CLPB: variants seen among roughly 807,000 people sequenced by gnomAD.
CLPB encodes the protein mitochondrial disaggregase.
In CLPB, 40 loss-of-function variants were observed where a neutral mutation model predicts 78.4. The ratio of observed to expected loss-of-function variants is 0.51; its 90% CI spans 0.40 to 0.66. The LOEUF is 0.66. CLPB is among the 30% of genes least tolerant of loss of function. The probability of loss-of-function intolerance (pLI) is 0.00; values close to 1 mark genes in which losing one functional copy is unlikely to be tolerated. For missense variants in CLPB, 780 were observed against 886.9 expected (o/e 0.88, Z 1.53); for synonymous variants, 333 against 348.0 (o/e 0.96, Z 0.48).
intron 4 of CLPB, among the ~76,000 whole-genome samples, chr11:72,377,998 AC>A (rs1314378108): frequency 2.4e-4 from 37 of 152,212 alleles, no homozygotes; most frequent in African/African-American, 8.0e-4. Flanking sequence ...TTTGCTGACT[AC>A]TGATCTACAA....
chr11:72,393,114 A>C (rs1412733360), intron 3 of CLPB, among the ~76,000 whole-genome samples: 1 of 152,256 alleles, frequency 6.6e-6, no homozygotes, highest in Non-Finnish European at 1.5e-5. Context: ...CCAAGGAATC[A>C]AGATCACCCA....
At chr11:72,393,216 G>T (rs1489063015) in intron 3 of CLPB, among the ~76,000 whole-genome samples, 2 of 152,082 alleles carry the variant, frequency 1.3e-5, no homozygotes, top group Non-Finnish European at 2.9e-5. Context: ...CATAATATAT[G>T]GTCACCAAAC....
At chr11:72,397,651 G>C (rs1385276376) in intron 3 of CLPB, among the ~76,000 whole-genome samples, 2 of 152,032 alleles carry the variant, frequency 1.3e-5, no homozygotes, top group Non-Finnish European at 2.9e-5. Context: ...TCTCTTTTTC[G>C]ATGAAGCATC....
rs772243585 is a variant in CLPB, at chr11:72,358,963, C to T, written c.692G>A (p.Arg231His). The change falls in exon 5 of 16, where the codon CGC becomes CAC. Residue 231 changes from arginine to histidine, a missense_variant. Arg to His is a conservative substitution (Grantham distance 29, BLOSUM62 0). Transcript: ENST00000538039. ...EDDFNNRLNN[R>H]ASFKGCTALH... ...GGCCGTGCAGCCCTTGAAACTGGCG[C>T]GGTTGTTCAGCCTGTTGTTGAAGTC... 9.9e-6 allele frequency: 16 copies of T among 1,613,424 alleles called. No homozygotes were observed. Among genetic ancestry groups the T allele is most frequent in the African/African-American group, 5.4e-5 (4 of 74,730 alleles).
chr11:72,342,072 A>G (rs1431435424), intron 5 of CLPB, among the ~76,000 whole-genome samples: 1 of 152,176 alleles, frequency 6.6e-6, no homozygotes, highest in African/African-American at 2.4e-5. Flanking sequence ...CAGACATAAC[A>G]CTTCCTAGTT....
chr11:72,294,424 C>T lies in CLPB; in HGVS notation c.1581G>A (p.Glu527=), dbSNP rs752634197. Residue 527 remains glutamate (E), a synonymous_variant, in exon 14 of 16, where the codon GAG becomes GAA. Transcript: ENST00000538039. ...CGATCTCATTGATCCGTCCCAGAAA[C>T]TCATCCCTCCGGAAGTGAGCCTGAA... is the stretch of plus-strand genomic sequence containing the variant. ...PILKAHFRRD[E]FLGRINEIVY... The T allele has an allele frequency of 6.2e-7, 1 of 1,614,206 alleles. No individual in the cohort carries two copies. Among genetic ancestry groups the T allele is most frequent in the Admixed American group, 1.7e-5 (1 of 60,030 alleles).
At position 72,434,083 on chromosome 11, in the gene CLPB, G is replaced by C; in HGVS notation, c.392C>G (p.Pro131Arg). Residue 131 changes from proline to arginine, a missense_variant, in exon 1 of 16, where the codon CCG (proline) becomes CGG (arginine). Transcript: ENST00000538039. ...ALVVHCYSKSPSNKDAALLEA... is the reference protein window; with the variant it reads ...ALVVHCYSKSRSNKDAALLEA... ...GATCTCATAATCACCCTTGTTGGACGGACTCTTGCTGTAGCAATGAACCAC... is the reference window on the plus strand; with the variant it reads ...GATCTCATAATCACCCTTGTTGGACCGACTCTTGCTGTAGCAATGAACCAC... 2 of 1,610,550 alleles carry C rather than the reference G, an allele frequency of 1.2e-6. No individual in the cohort carries two copies. The highest frequency in any genetic ancestry group is 1.7e-6 in the Non-Finnish European group (2 of 1,179,936).
At chr11:72,301,426 G>A (rs145380097) in intron 11 of CLPB, among the ~76,000 whole-genome samples, 10 of 152,308 alleles carry the variant, frequency 6.6e-5, no homozygotes, top group East Asian at 1.9e-4. Context: ...CAGCCTCCTC[G>A]TTTGTCACAT....
At chr11:72,430,285 G>T in intron 2 of CLPB, 27 bp downstream of exon 2, 1 of 1,609,318 alleles carries the variant, frequency 6.2e-7, no homozygotes, top group Non-Finnish European at 8.5e-7. Flanking sequence ...TCCTGTAGGG[G>T]AGAGCAAGGC....
intron 2 of CLPB, among the ~76,000 whole-genome samples, chr11:72,419,131 T>A (rs1856113193): frequency 6.6e-6 from 1 of 152,192 alleles, no homozygotes; most frequent in Non-Finnish European, 1.5e-5. Flanking sequence ...CTGGCTTGAT[T>A]GTTTTCAATA....
At chr11:72,358,763 T>A in intron 5 of CLPB, 117 bp downstream of exon 5, 1 of 825,452 alleles carries the variant, frequency 1.2e-6, no homozygotes, top group Non-Finnish European at 1.9e-6. Context: ...TCCAGAATAG[T>A]GAGGCTGCCA....
intron 4 of CLPB, among the ~76,000 whole-genome samples, chr11:72,378,926 C>T (rs1024207366): frequency 1.3e-5 from 2 of 152,150 alleles, no homozygotes; most frequent in Non-Finnish European, 2.9e-5. Context: ...GGGCAGGTTG[C>T]AATTATTGTC....
chr11:72,363,330 T>A (rs1950877194), intron 4 of CLPB: 1 of 151,446 alleles, frequency 6.6e-6, no homozygotes, highest in Non-Finnish European at 1.5e-5. Context: ...CTCGTTAAAA[T>A]CCTGCAGTGG....
chr11:72,302,031 C>A, intron 10 of CLPB, 67 bp from the exon 11 acceptor site: 1 of 1,555,798 alleles, frequency 6.4e-7, no homozygotes, highest in Non-Finnish European at 8.8e-7. Flanking sequence ...ATGGGGCATG[C>A]ATGGGAAGAT....
intron 6 of CLPB, 53 bp downstream of exon 6, chr11:72,329,654 G>A: frequency 1.7e-6 from 2 of 1,166,660 alleles, no homozygotes; most frequent in East Asian, 2.3e-5. Flanking sequence ...ATGAGTGAAG[G>A]ATTAAATGAT....
intron 4 of CLPB, among the ~76,000 whole-genome samples, chr11:72,379,821 C>T (rs1854846690): frequency 6.6e-6 from 1 of 152,128 alleles, no homozygotes; most frequent in Admixed American, 6.6e-5. Flanking sequence ...TATTTAGGGA[C>T]TTCTGAGGCT....
chr11:72,422,773 C>T (rs938828440), intron 2 of CLPB, among the ~76,000 whole-genome samples: 1 of 152,140 alleles, frequency 6.6e-6, no homozygotes, highest in Non-Finnish European at 1.5e-5. Context: ...TCTGAGGCCC[C>T]GAGACAGCCA....
At chr11:72,333,126 T>G (rs1273137895) in intron 5 of CLPB, among the ~76,000 whole-genome samples, 1 of 152,226 alleles carries the variant, frequency 6.6e-6, no homozygotes, top group Non-Finnish European at 1.5e-5. Flanking sequence ...CTAGCTTTAT[T>G]TGCTTGAACT....
At chr11:72,417,312 A>C (rs1397003875) in intron 2 of CLPB, among the ~76,000 whole-genome samples, 2 of 152,250 alleles carry the variant, frequency 1.3e-5, no homozygotes. Context: ...GAAAACATTA[A>C]GCTCAGTGAA....
Sources: allele counts gnomAD v4.1 joint callset (sites outside exome capture counted in the v4.1 genomes callset), GRCh38; gene constraint gnomAD v4.1.1; transcripts MANE v1.5; gene names NCBI Gene and HGNC (gene_info 2026-07-23, HGNC 2026-07-21).